ZNF676: variants seen among roughly 807,000 people sequenced by gnomAD.
The protein encoded by ZNF676 is zinc finger protein 676.
In ZNF676, 4 loss-of-function variants were observed where a neutral mutation model predicts 6.0. The observed-to-expected ratio is 0.67, with a 90% CI of 0.33 to 1.53. The LOEUF (loss-of-function observed/expected upper bound fraction) is 1.53. Ranked by LOEUF, ZNF676 falls within the 40% of genes most tolerant of loss-of-function variation. The probability of loss-of-function intolerance (pLI) is 0.06; values close to 1 mark genes in which losing one functional copy is unlikely to be tolerated. For missense variants in ZNF676, 644 were observed against 679.7 expected (o/e 0.95, Z 0.58); for synonymous variants, 198 against 223.1 (o/e 0.89, Z 1.00).
At chr19:22,240,812 C>G in the ZNF676 span, among the ~76,000 whole-genome samples, 1 of 151,890 alleles carries the variant, frequency 6.6e-6, no homozygotes, top group Non-Finnish European at 1.5e-5. Context: ...AGAAAAGCAT[C>G]ACATCACCTG....
the ZNF676 span, among the ~76,000 whole-genome samples, chr19:22,239,389 C>T: frequency 6.6e-6 from 1 of 151,654 alleles, no homozygotes; most frequent in East Asian, 1.9e-4. Flanking sequence ...CGTGTGTTAG[C>T]CAGGATGGTC....
chr19:22,255,260 A>G, the ZNF676 span, among the ~76,000 whole-genome samples: 21 of 151,344 alleles, frequency 1.4e-4, no homozygotes, highest in African/African-American at 4.7e-4. Flanking sequence ...GAGGTTCAGA[A>G]CCTCAAAATT....
At chr19:22,192,081 A>C (rs1369207234) in intron 2 of ZNF676, among the ~76,000 whole-genome samples, 1 of 152,216 alleles carries the variant, frequency 6.6e-6, no homozygotes, top group African/African-American at 2.4e-5. Flanking sequence ...AAAAAACCAT[A>C]AACAGTACAT....
chr19:22,195,701 A>G (rs1243520926), intron 1 of ZNF676, among the ~76,000 whole-genome samples: 1 of 152,212 alleles, frequency 6.6e-6, no homozygotes. Context: ...CTTACAATTG[A>G]AAGAGCAATT....
At chr19:22,188,597 T>C (rs2023867567) in intron 2 of ZNF676, among the ~76,000 whole-genome samples, 1 of 152,158 alleles carries the variant, frequency 6.6e-6, no homozygotes, top group Non-Finnish European at 1.5e-5. Flanking sequence ...GACATGTTTG[T>C]ATATTTAGAA....
At chr19:22,255,468 A>G in the ZNF676 span, among the ~76,000 whole-genome samples, 225 of 152,248 alleles carry the variant, frequency 1.5e-3, 1 homozygote, top group African/African-American at 4.8e-3. Context: ...TGTGTCTCTA[A>G]GCCCAGTTAT....
the ZNF676 span, among the ~76,000 whole-genome samples, chr19:22,254,641 T>A: frequency 6.6e-6 from 1 of 152,152 alleles, no homozygotes; most frequent in Admixed American, 6.5e-5. Context: ...ATAATACCTC[T>A]GTAGGCAGGG....
intron 1 of ZNF676, among the ~76,000 whole-genome samples, chr19:22,202,885 G>C (rs2024040015): frequency 6.6e-6 from 1 of 152,180 alleles, no homozygotes; most frequent in African/African-American, 2.4e-5. Flanking sequence ...GGTAGGCTTT[G>C]ACTCTTCTAC....
intron 2 of ZNF676, among the ~76,000 whole-genome samples, chr19:22,182,389 A>G (rs758481257): frequency 4.6e-5 from 7 of 152,068 alleles, no homozygotes; most frequent in Non-Finnish European, 1.0e-4. Context: ...TATCAAAAAT[A>G]TTATAAAGTT....
At chr19:22,215,801 C>CCCCCCCAG, upstream of ZNF676, 1 of 693,582 alleles carries the variant, frequency 1.4e-6, no homozygotes, top group Non-Finnish European at 2.3e-6. Context: ...GACCTGTCCC[C>CCCCCCCAG]CCCCCCAGCT....
At chr19:22,221,939 A>G in the ZNF676 span, among the ~76,000 whole-genome samples, 9 of 152,030 alleles carry the variant, frequency 5.9e-5, no homozygotes, top group Non-Finnish European at 1.2e-4. Context: ...TTGTTTGTTC[A>G]TTTGACTTTC....
the ZNF676 span, among the ~76,000 whole-genome samples, chr19:22,221,469 G>A: frequency 2.0e-5 from 3 of 151,810 alleles, no homozygotes; most frequent in Non-Finnish European, 4.4e-5. Flanking sequence ...ATTTATTCAG[G>A]GGCTGGGCAT....
chr19:22,241,215 C>G, the ZNF676 span, among the ~76,000 whole-genome samples: 1 of 151,916 alleles, frequency 6.6e-6, no homozygotes, highest in Non-Finnish European at 1.5e-5. Flanking sequence ...AGAATCACAC[C>G]AGCAGGATGA....
At chr19:22,217,482 G>A (rs565667906), upstream of ZNF676, among the ~76,000 whole-genome samples, 76 of 152,020 alleles carry the variant, frequency 5.0e-4, no homozygotes, top group African/African-American at 1.8e-3. Context: ...GATTACAGGC[G>A]TGAGCCACCG....
At chr19:22,211,069 T>A (rs961105316) in intron 1 of ZNF676, among the ~76,000 whole-genome samples, 1 of 150,430 alleles carries the variant, frequency 6.6e-6, no homozygotes, top group Non-Finnish European at 1.5e-5. Flanking sequence ...TGGTACTTCC[T>A]CCTGTTGCAA....
upstream of ZNF676, among the ~76,000 whole-genome samples, chr19:22,199,434 T>C (rs1338073487): frequency 6.6e-6 from 1 of 152,234 alleles, no homozygotes. Context: ...AAACAACGTG[T>C]GCACATGTAC....
intron 1 of ZNF676, among the ~76,000 whole-genome samples, chr19:22,205,378 C>T (rs1450074877): frequency 6.6e-6 from 1 of 152,108 alleles, no homozygotes; most frequent in Non-Finnish European, 1.5e-5. Context: ...CCACATGGCA[C>T]ATACTCTAAA....
At chr19:22,251,594 C>A in the ZNF676 span, among the ~76,000 whole-genome samples, 2 of 152,042 alleles carry the variant, frequency 1.3e-5, no homozygotes, top group Admixed American at 1.3e-4. Flanking sequence ...TCGAGACCAG[C>A]CTGGCCCACA....
At chr19:22,200,591 T>C (rs181634646), upstream of ZNF676, among the ~76,000 whole-genome samples, 149 of 146,502 alleles carry the variant, frequency 1.0e-3, no homozygotes, top group African/African-American at 3.7e-3. Flanking sequence ...TGATCTCGGC[T>C]CACTGTAGTC....
Sources: allele counts gnomAD v4.1 joint callset (sites outside exome capture counted in the v4.1 genomes callset), GRCh38; gene constraint gnomAD v4.1.1; transcripts MANE v1.5; gene names NCBI Gene and HGNC (gene_info 2026-07-23, HGNC 2026-07-21).